The following KLF2 variants were observed in gnomAD, a reference collection of about 807,000 sequenced individuals.
KLF2 encodes the protein Krueppel-like factor 2.
Under a neutral mutation model 22.2 loss-of-function variants are expected in KLF2, and 9 were observed. That is an observed-to-expected ratio of 0.40 (90% CI 0.24 to 0.71). KLF2 has a LOEUF of 0.71. KLF2 is among the 30% of genes least tolerant of loss of function. The pLI is 0.35. For missense variants in KLF2, 481 were observed against 542.1 expected (o/e 0.89, Z 1.12); for synonymous variants, 299 against 264.2 (o/e 1.13, Z -1.28).
rs1386211502 is a variant in KLF2 at position 16,325,202 on chromosome 19, C to T, written c.76-14C>T. The T allele has an allele frequency of 6.6e-7, 1 of 1,504,034 alleles. No homozygotes were observed. The highest frequency in any genetic ancestry group is 8.8e-7 in the Non-Finnish European group (1 of 1,131,334). 93.2% of individuals were successfully genotyped at this position (1,504,034 alleles called of 1,614,324 possible). On this transcript the variant is annotated splice_polypyrimidine_tract_variant and intron_variant, in intron 1 of 2. Transcript: ENST00000248071. Reference sequence around the variant, plus strand: ...CCCGCCGCCCGCTCACGCCCATTGCCCTGTCGCCCGCAGCGCTGGCCGCGC... The same window carrying T: ...CCCGCCGCCCGCTCACGCCCATTGCTCTGTCGCCCGCAGCGCTGGCCGCGC...
Position 16,325,947 on chromosome 19 carries a change from C to A in KLF2, c.807C>A (p.Thr269=), listed in dbSNP as rs1297839726. Residue 269 remains threonine (T), a synonymous_variant, in exon 2 of 3, where the codon ACC becomes ACA. Coordinates refer to ENST00000248071, the MANE Select transcript of KLF2 (RefSeq NM_016270.4). The part of the protein sequence containing the change: ...RGRRSWPRKR[T]ATHTCSYAGC... ...GCCGCTCTTGGCCCCGCAAACGCAC[C>A]GCCACTCACACCTGCAGCTACGCGG... is the stretch of plus-strand genomic sequence containing the variant. 3 of 1,537,108 alleles carry A rather than the reference C, an allele frequency of 2.0e-6. No homozygotes were observed. Among genetic ancestry groups the A allele is most frequent in the East Asian group, 2.6e-5 (1 of 38,866 alleles).
rs908953232 is a variant in KLF2, at chr19:16,327,499, T to C, written c.*468T>C. 5.2e-5 allele frequency: 8 copies of C among 153,286 alleles called. No individual in the cohort carries two copies. The highest frequency in any genetic ancestry group is 4.6e-4 in the Admixed American group (7 of 15,324). 9.5% of individuals were successfully genotyped at this position (153,286 alleles called of 1,614,324 possible). On this transcript the variant is annotated 3_prime_UTR_variant, in exon 3 of 3. Transcript: ENST00000248071. ...ATAAGATTTTGCTGGGTTGGTTTTTTTTTTAATTAAAAAGTTTTGCATCTT... is the reference window on the plus strand; with the variant it reads ...ATAAGATTTTGCTGGGTTGGTTTTTCTTTTAATTAAAAAGTTTTGCATCTT...
Position 16,325,380 on chromosome 19 carries a change from G to T in KLF2, c.240G>T (p.Ala80=), listed in dbSNP as rs1385594244. ...CGTTCTATTACCCCGAACCCGGCGC[G>T]CCCCCGCCCTACAGCGCCCCCGCGG... ...PPAFYYPEPG[A]PPPYSAPAGG... The change falls in exon 2 of 3, where the codon GCG becomes GCT. Residue 80 remains alanine, a synonymous_variant. Coordinates refer to ENST00000248071, the MANE Select transcript of KLF2 (RefSeq NM_016270.4). 1.4e-6 allele frequency: 2 copies of T among 1,425,976 alleles called. No homozygotes were observed. The highest frequency in any genetic ancestry group is 1.5e-5 in the African/African-American group (1 of 66,004). 88.3% of individuals were successfully genotyped at this position (1,425,976 alleles called of 1,614,324 possible).
rs2091895503 is a variant in KLF2, at chr19:16,328,075, GCT to G, written c.*1047_*1048del. Among the ~76,000 whole-genome samples, 1 of 152,278 alleles carries G rather than the reference GCT, an allele frequency of 6.6e-6. No homozygotes were observed. Among genetic ancestry groups the G allele is most frequent in the South Asian group, 2.1e-4 (1 of 4,826 alleles). ...CCTGCATTCGAGGGCCATGCATGAAGCTCTTTTCCAGATGAGGAAACGGAGGC... is the reference window on the plus strand; with the variant it reads ...CCTGCATTCGAGGGCCATGCATGAAGCTTTTCCAGATGAGGAAACGGAGGC... On this transcript the variant is annotated 3_prime_UTR_variant, in exon 3 of 3. Coordinates refer to ENST00000248071, the MANE Select transcript of KLF2 (RefSeq NM_016270.4).
At position 16,325,848 on chromosome 19, in the gene KLF2, C is replaced by G; in HGVS notation, c.708C>G (p.Pro236=). The change falls in exon 2 of 3, where the codon CCC becomes CCG. Residue 236 remains proline, a synonymous_variant. Coordinates refer to ENST00000248071, the MANE Select transcript of KLF2 (RefSeq NM_016270.4). ...AAAAAALGLA[P]PAARGLLTPP... ...CCGCGGCAGCCCTGGGCCTGGCGCC[C>G]CCCGCCGCCCGCGGTCTCCTCACGC... The G allele has an allele frequency of 7.0e-7, 1 of 1,418,844 alleles. No homozygotes were observed. The highest frequency in any genetic ancestry group is 9.1e-7 in the Non-Finnish European group (1 of 1,095,414). The allele number at this position is 1,418,844 out of a possible 1,614,324, so 87.9% of individuals were successfully genotyped here. A position where few individuals can be genotyped will look rare whatever the true frequency, so the allele number is the denominator to read the frequency against.
Position 16,325,532 on chromosome 19 carries a change from G to GCGGCTA in KLF2, c.396_397insTACGGC (p.Gly132_Gly133insTyrGly). ...GCCGAGCCCCCTGAAGCGGACGGCG[G>GCGGCTA]CGGCGGCTACGGCTGCGCCCCCGGG... On this transcript the variant is annotated inframe_insertion, in exon 2 of 3. Transcript: ENST00000248071. The GCGGCTA allele has an allele frequency of 7.9e-7, 1 of 1,265,624 alleles. No individual in the cohort carries two copies. Among genetic ancestry groups the GCGGCTA allele is most frequent in the South Asian group, 2.4e-5 (1 of 41,336 alleles). 78.4% of individuals were successfully genotyped at this position (1,265,624 alleles called of 1,614,324 possible). A position where few individuals can be genotyped will look rare whatever the true frequency, so the allele number is the denominator to read the frequency against.
At chr19:16,325,122 GGGCCACGGGGATCGCGGACTTA>G in intron 1 of KLF2, 72 bp from the exon 2 acceptor site, 1 of 1,311,296 alleles carries the variant, frequency 7.6e-7, no homozygotes, top group Admixed American at 2.5e-5. Flanking sequence ...AGGAGGATGC[GGGCCACGGGGATCGCGGACTTA>G]GGGTGGTAAA....
Position 16,324,834 on chromosome 19 carries a change from G to T in KLF2, c.-90G>T. 1 of 1,153,998 alleles carries T rather than the reference G, an allele frequency of 8.7e-7. No individual in the cohort carries two copies. The highest frequency in any genetic ancestry group is 1.4e-5 in the South Asian group (1 of 70,280). 71.5% of individuals were successfully genotyped at this position (1,153,998 alleles called of 1,614,324 possible). ...GGGCCCGGCCGCGGCCCACAGAGCC[G>T]TCCCCGCCCGCCCGCGCCCCGACCA... On this transcript the variant is annotated 5_prime_UTR_variant, in exon 1 of 3. Coordinates refer to ENST00000248071, the MANE Select transcript of KLF2 (RefSeq NM_016270.4).
chr19:16,325,042 C>G (rs7248864), intron 1 of KLF2, 44 bp downstream of exon 1: 41 of 1,496,488 alleles, frequency 2.7e-5, no homozygotes, highest in Non-Finnish European at 3.5e-5. Context: ...CCGTGGGCGG[C>G]GGGCTCGGGG....
At position 16,325,173 on chromosome 19, in the gene KLF2, G is replaced by A. The variant is rs377405135; in HGVS notation, c.76-43G>A. 273 of 1,423,160 alleles carry A rather than the reference G, an allele frequency of 1.9e-4. 2 individuals carry two copies. The East Asian group carries it at 4.8e-3, about 25-fold the overall frequency. 88.2% of individuals were successfully genotyped at this position (1,423,160 alleles called of 1,614,324 possible). On this transcript the variant is annotated intron_variant, in intron 1 of 2. Transcript: ENST00000248071. ...TGGTAAAAGGCAAGCAGCGCCCCCC[G>A]AGCCCCGCCGCCCGCTCACGCCCAT...
rs1186577401 is a variant in KLF2, at chr19:16,326,849, C to T, written c.893-7C>T. The T allele has an allele frequency of 1.9e-6, 3 of 1,605,726 alleles. No individual in the cohort carries two copies. Among genetic ancestry groups the T allele is most frequent in the East Asian group, 4.5e-5 (2 of 44,704 alleles). The stretch of plus-strand genomic sequence containing the variant: ...AACTGACGCTTACTCTCGCCCCCTC[C>T]CTGCAGGTGAGAAGCCCTACCACTG... On this transcript the variant is annotated splice_region_variant and splice_polypyrimidine_tract_variant and intron_variant, in intron 2 of 2. Transcript: ENST00000248071.
intron 2 of KLF2, among the ~76,000 whole-genome samples, chr19:16,326,371 G>A (rs1265049113): frequency 1.3e-5 from 2 of 151,978 alleles, no homozygotes; most frequent in South Asian, 2.1e-4. Context: ...GGGAGGGGGA[G>A]CAGGTTTAGG....
Position 16,327,228 on chromosome 19 carries a change from G to A in KLF2, c.*197G>A. ...CCCGTCTGTGACTGAAGGCCCGGTG[G>A]GAAAAGACCACGATCCTCCTTGACG... On this transcript the variant is annotated 3_prime_UTR_variant, in exon 3 of 3. Coordinates refer to ENST00000248071, the MANE Select transcript of KLF2 (RefSeq NM_016270.4). 3.8e-6 allele frequency: 2 copies of A among 532,638 alleles called. No homozygotes were observed. Among genetic ancestry groups the A allele is most frequent in the Non-Finnish European group, 6.6e-6 (2 of 301,114 alleles). The allele number at this position is 532,638 out of a possible 1,614,324, so 33.0% of individuals were successfully genotyped here.
chr19:16,325,083 C>A lies in KLF2; in HGVS notation c.75+85C>A. The A allele has an allele frequency of 1.2e-5, 17 of 1,372,544 alleles. No individual in the cohort carries two copies. The South Asian group carries it at 1.9e-4, about 15-fold the overall frequency. 85.0% of individuals were successfully genotyped at this position (1,372,544 alleles called of 1,614,324 possible). ...GAACGTGGGCTGCGGGGTGACAGGA[C>A]GCGAAGGCGGGGACTGCAGACTCAG... On this transcript the variant is annotated intron_variant, in intron 1 of 2. Transcript: ENST00000248071.
chr19:16,327,194 A>C lies in KLF2; in HGVS notation c.*163A>C. The C allele has an allele frequency of 1.6e-6, 1 of 617,540 alleles. No homozygotes were observed. Among genetic ancestry groups the C allele is most frequent in the Non-Finnish European group, 2.7e-6 (1 of 370,778 alleles). The allele number at this position is 617,540 out of a possible 1,614,324, so 38.3% of individuals were successfully genotyped here. A position where few individuals can be genotyped will look rare whatever the true frequency, so the allele number is the denominator to read the frequency against. On this transcript the variant is annotated 3_prime_UTR_variant, in exon 3 of 3. Transcript: ENST00000248071. ...CGATGACGACGACGACGACGCCACC[A>C]CCCCAGCCCCCGTCTGTGACTGAAG...
rs760359676 is a variant in KLF2 at position 16,327,206 on chromosome 19, G to A, written c.*175G>A. ...CGACGACGCCACCACCCCAGCCCCC[G>A]TCTGTGACTGAAGGCCCGGTGGGAA... On this transcript the variant is annotated 3_prime_UTR_variant, in exon 3 of 3. Transcript: ENST00000248071. 1.0e-4 allele frequency: 58 copies of A among 572,562 alleles called. No individual in the cohort carries two copies. The highest frequency in any genetic ancestry group is 1.7e-4 in the Non-Finnish European group (56 of 332,820). 35.5% of individuals were successfully genotyped at this position (572,562 alleles called of 1,614,324 possible).
At position 16,327,760 on chromosome 19, in the gene KLF2, G is replaced by A. The variant is rs1417731136; in HGVS notation, c.*729G>A. 6.6e-6 allele frequency: 1 copy of A among 151,860 alleles called. No homozygotes were observed. Among genetic ancestry groups the A allele is most frequent in the African/African-American group, 2.4e-5 (1 of 41,326 alleles). The allele number at this position is 151,860 out of a possible 1,614,324, so 9.4% of individuals were successfully genotyped here. On this transcript the variant is annotated 3_prime_UTR_variant, in exon 3 of 3. Transcript: ENST00000248071. ...AGGACTGAGGGAGGGTTATTTTAAG[G>A]TTGTTCTTTGAGCCATAAATTGCCT... is the stretch of plus-strand genomic sequence containing the variant.
chr19:16,326,929 C>T lies in KLF2; in HGVS notation c.966C>T (p.His322=), dbSNP rs2091891943. Residue 322 remains histidine, a synonymous_variant, in exon 3 of 3, where the codon CAC becomes CAT. Transcript: ENST00000248071. Reference sequence around the variant, plus strand: ...CGCGCTCAGACGAGCTCACGCGCCACTACCGAAAGCACACGGGCCACCGGC... The same window carrying T: ...CGCGCTCAGACGAGCTCACGCGCCATTACCGAAAGCACACGGGCCACCGGC... ...KFARSDELTR[H]YRKHTGHRPF... 3 of 1,613,398 alleles carry T rather than the reference C, an allele frequency of 1.9e-6. No homozygotes were observed. Among genetic ancestry groups the T allele is most frequent in the Non-Finnish European group, 2.5e-6 (3 of 1,180,002 alleles).
In KLF2 at chr19:16,324,831, G is replaced by A. The variant is rs2091882476; in HGVS notation, c.-93G>A. ...GGCGGGCCCGGCCGCGGCCCACAGAGCCGTCCCCGCCCGCCCGCGCCCCGA... is the reference window on the plus strand; with the variant it reads ...GGCGGGCCCGGCCGCGGCCCACAGAACCGTCCCCGCCCGCCCGCGCCCCGA... On this transcript the variant is annotated 5_prime_UTR_variant, in exon 1 of 3. Coordinates refer to ENST00000248071, the MANE Select transcript of KLF2 (RefSeq NM_016270.4). 1 of 1,096,234 alleles carries A rather than the reference G, an allele frequency of 9.1e-7. No homozygotes were observed. The highest frequency in any genetic ancestry group is 1.3e-6 in the Non-Finnish European group (1 of 776,560). 67.9% of individuals were successfully genotyped at this position (1,096,234 alleles called of 1,614,324 possible).
Sources: gnomAD v4.1 joint callset for allele counts (sites outside exome capture counted in the v4.1 genomes callset) on GRCh38, gnomAD v4.1.1 for gene constraint, MANE v1.5 for transcripts, NCBI Gene and HGNC (gene_info 2026-07-23, HGNC 2026-07-21) for gene names.